Variants in ASTN2 observed in about 807,000 individuals in gnomAD.
The protein encoded by ASTN2 is astrotactin-2.
A neutral mutation model predicts 139.8 loss-of-function variants in ASTN2; 54 were observed. That is an observed-to-expected ratio of 0.39 (90% CI 0.31 to 0.48). The LOEUF (loss-of-function observed/expected upper bound fraction) is 0.48. Among genes scored for constraint, ASTN2 ranks in the 20% least tolerant of loss-of-function variants. The pLI is 0.95. For missense variants in ASTN2, 1,565 were observed against 1,725.1 expected, an observed-to-expected ratio of 0.91 and a Z score of 1.64; for synonymous variants, 756 against 719.5, an observed-to-expected ratio of 1.05 and a Z score of -0.81.
At chr9:116,677,044 T>C (rs983229307) in intron 16 of ASTN2, among the ~76,000 whole-genome samples, 3 of 152,154 alleles carry the variant, frequency 2.0e-5, no homozygotes, top group East Asian at 3.9e-4. Flanking sequence ...TTTGAAATGA[T>C]TTTTTTTAAA....
At chr9:116,430,853 G>A (rs1564271843) in intron 22 of ASTN2, among the ~76,000 whole-genome samples, 1 of 152,202 alleles carries the variant, frequency 6.6e-6, no homozygotes, top group Non-Finnish European at 1.5e-5. Context: ...GAGACCAAAG[G>A]CAAAAATGCT....
intron 3 of ASTN2, among the ~76,000 whole-genome samples, chr9:117,190,539 T>C (rs1027350244): frequency 6.6e-6 from 1 of 152,192 alleles, no homozygotes; most frequent in African/African-American, 2.4e-5. Context: ...TGTCCCTTTC[T>C]ATCAGGCTCT....
At chr9:116,553,936 T>C (rs1232544418) in intron 19 of ASTN2, among the ~76,000 whole-genome samples, 1 of 152,226 alleles carries the variant, frequency 6.6e-6, no homozygotes, top group Non-Finnish European at 1.5e-5. Flanking sequence ...TCTAAAGGTG[T>C]AAGTTGTTCA....
chr9:117,247,820 C>T (rs1367233039), intron 2 of ASTN2, among the ~76,000 whole-genome samples: 1 of 152,216 alleles, frequency 6.6e-6, no homozygotes. Flanking sequence ...TGCTGGGCAC[C>T]TGGCACATGG....
chr9:117,210,512 A>G (rs1020531356), intron 3 of ASTN2, among the ~76,000 whole-genome samples: 8 of 152,182 alleles, frequency 5.3e-5, no homozygotes, highest in Non-Finnish European at 1.0e-4. Flanking sequence ...ACCACAAAGA[A>G]ATGGAAAACC....
At chr9:117,412,084 G>C (rs1219880558) in intron 1 of ASTN2, among the ~76,000 whole-genome samples, 1 of 148,536 alleles carries the variant, frequency 6.7e-6, no homozygotes, top group Non-Finnish European at 1.5e-5. Context: ...TGTGCACTCT[G>C]TGTTTACACA....
At chr9:117,083,753 T>A (rs1299558487) in intron 5 of ASTN2, among the ~76,000 whole-genome samples, 3 of 152,188 alleles carry the variant, frequency 2.0e-5, no homozygotes, top group Non-Finnish European at 4.4e-5. Flanking sequence ...TGTAAGCAAC[T>A]AAAATGACAT....
intron 19 of ASTN2, among the ~76,000 whole-genome samples, chr9:116,490,212 T>C (rs1380652727): frequency 1.7e-5 from 2 of 118,316 alleles, no homozygotes; most frequent in Non-Finnish European, 3.3e-5. Context: ...AACCAGAAAC[T>C]AACAATATGT....
At chr9:116,821,365 G>A (rs145595242) in intron 11 of ASTN2, among the ~76,000 whole-genome samples, 1 of 152,118 alleles carries the variant, frequency 6.6e-6, no homozygotes, top group Non-Finnish European at 1.5e-5. Context: ...GATCATGGGG[G>A]TGCATACCTT....
intron 13 of ASTN2, among the ~76,000 whole-genome samples, chr9:116,744,394 C>G (rs1011925708): frequency 2.0e-5 from 3 of 152,010 alleles, no homozygotes; most frequent in Non-Finnish European, 4.4e-5. Flanking sequence ...GGGTATTCAG[C>G]AGGAAAGCAA....
chr9:117,388,856 G>A (rs1482129008), intron 1 of ASTN2, among the ~76,000 whole-genome samples: 1 of 152,142 alleles, frequency 6.6e-6, no homozygotes. Context: ...AGAATTCACA[G>A]GCTATCTTGC....
intron 4 of ASTN2, among the ~76,000 whole-genome samples, chr9:117,120,018 G>GTGTGTATATATA (rs1306397698): frequency 0.032 from 1,454 of 45,808 alleles, 49 homozygotes; most frequent in South Asian, 0.052. Context: ...GTGTGTGTGT[G>GTGTGTATATATA]TATATATATA....
chr9:116,884,003 T>C (rs115947751), intron 10 of ASTN2, among the ~76,000 whole-genome samples: 204 of 152,240 alleles, frequency 1.3e-3, no homozygotes, highest in African/African-American at 4.2e-3. Flanking sequence ...AAGGAGACAG[T>C]AGAAGACAAA....
chr9:117,222,090 C>T (rs973464668), intron 2 of ASTN2, among the ~76,000 whole-genome samples: 5 of 152,128 alleles, frequency 3.3e-5, no homozygotes, highest in African/African-American at 1.2e-4. Flanking sequence ...AATTTTAATA[C>T]ATGCTGAATG....
At chr9:116,631,031 T>C (rs1856721003) in intron 17 of ASTN2, among the ~76,000 whole-genome samples, 1 of 152,092 alleles carries the variant, frequency 6.6e-6, no homozygotes, top group South Asian at 2.1e-4. Context: ...ATTTGGACAG[T>C]TATTACAAAA....
intron 1 of ASTN2, among the ~76,000 whole-genome samples, chr9:117,363,811 C>T (rs1829758849): frequency 6.6e-6 from 1 of 152,104 alleles, no homozygotes; most frequent in South Asian, 2.1e-4. Flanking sequence ...CCTCGTATCA[C>T]CAGCCATCTC....
At chr9:116,681,720 G>A (rs1195552278) in intron 16 of ASTN2, among the ~76,000 whole-genome samples, 5 of 151,654 alleles carry the variant, frequency 3.3e-5, no homozygotes, top group South Asian at 4.2e-4. Flanking sequence ...AAATAACACC[G>A]CATATCTACA....
At chr9:116,937,223 C>T (rs111499333) in intron 10 of ASTN2, among the ~76,000 whole-genome samples, 7 of 152,234 alleles carry the variant, frequency 4.6e-5, no homozygotes, top group African/African-American at 1.7e-4. Flanking sequence ...AAAGACAGGA[C>T]CCCTGAACAT....
chr9:117,143,309 G>A (rs997293403), intron 3 of ASTN2, among the ~76,000 whole-genome samples: 6 of 152,184 alleles, frequency 3.9e-5, no homozygotes, highest in African/African-American at 1.4e-4. Flanking sequence ...CCTTCTTCAA[G>A]CCTGGGATGA....
Sources: gnomAD v4.1 joint callset for allele counts (sites outside exome capture counted in the v4.1 genomes callset) on GRCh38, gnomAD v4.1.1 for gene constraint, MANE v1.5 for transcripts, NCBI Gene and HGNC (gene_info 2026-07-23, HGNC 2026-07-21) for gene names.